ADGRL3: variants seen among roughly 807,000 people sequenced by gnomAD.
The protein encoded by ADGRL3 is adhesion G protein-coupled receptor L3.
In ADGRL3, 62 loss-of-function variants were observed where a neutral mutation model predicts 153.5. That is an observed-to-expected ratio of 0.40 (90% CI 0.33 to 0.50). The LOEUF (loss-of-function observed/expected upper bound fraction) is 0.50, where lower values mean the gene tolerates loss of function less well. Ranked by LOEUF, ADGRL3 falls within the 20% of genes least tolerant of loss-of-function variation. The pLI is 0.47. For missense variants in ADGRL3, 1,641 were observed against 1,859.4 expected (o/e 0.88, Z 2.16); for synonymous variants, 710 against 672.5 (o/e 1.06, Z -0.86).
At chr4:61,310,408 T>G (rs2094953666) in intron 1 of ADGRL3, among the ~76,000 whole-genome samples, 1 of 151,936 alleles carries the variant, frequency 6.6e-6, no homozygotes, top group South Asian at 2.1e-4. Flanking sequence ...ATATAATGAG[T>G]GTTTAAAGGC....
chr4:61,266,791 A>G (rs1023234802), intron 1 of ADGRL3, among the ~76,000 whole-genome samples: 10 of 151,770 alleles, frequency 6.6e-5, no homozygotes, highest in African/African-American at 1.2e-4. Flanking sequence ...AAATTAGAGT[A>G]GTCCAGTAAT....
At chr4:61,367,612 C>A (rs1414343166) in intron 1 of ADGRL3, among the ~76,000 whole-genome samples, 11 of 148,528 alleles carry the variant, frequency 7.4e-5, no homozygotes, top group African/African-American at 2.7e-4. Flanking sequence ...GTATATGTGC[C>A]ACAATTTCTT....
At chr4:61,821,810 A>G (rs887148213) in intron 9 of ADGRL3, among the ~76,000 whole-genome samples, 3 of 152,238 alleles carry the variant, frequency 2.0e-5, no homozygotes, top group African/African-American at 7.2e-5. Context: ...ATTGAATTAT[A>G]TTCAGCAAAT....
chr4:61,845,733 A>G (rs1372313750), intron 9 of ADGRL3, among the ~76,000 whole-genome samples: 2 of 152,024 alleles, frequency 1.3e-5, no homozygotes, highest in Non-Finnish European at 2.9e-5. Context: ...GAATTTGCTC[A>G]GTGGTATTAT....
chr4:62,045,811 C>T (rs1037810497), intron 25 of ADGRL3, among the ~76,000 whole-genome samples: 21 of 151,926 alleles, frequency 1.4e-4, no homozygotes, highest in Middle Eastern at 3.4e-3. Context: ...CCTCCAAATA[C>T]GAAGAAAACG....
rs111428328 is a variant in ADGRL3, at chr4:61,365,251, C to CA, written c.-239-17861dup. ...TGACTGGAAGATCACAAAAAAATTACAAAAAAAAAAAATTGAATACAATTT... is the reference window on the plus strand; with the variant it reads ...TGACTGGAAGATCACAAAAAAATTACAAAAAAAAAAAAATTGAATACAATTT... On this transcript the variant is annotated intron_variant, in intron 1 of 26. Coordinates refer to ENST00000683033, the MANE Select transcript of ADGRL3 (RefSeq NM_001387552.1). Among the ~76,000 whole-genome samples, 104 of 149,168 alleles carry CA rather than the reference C, an allele frequency of 7.0e-4. 1 individual carries two copies. In the South Asian group the frequency reaches 8.3e-3, roughly 12 times the overall value.
chr4:61,998,875 C>T (rs1218026781), intron 21 of ADGRL3, among the ~76,000 whole-genome samples: 3 of 152,066 alleles, frequency 2.0e-5, no homozygotes, highest in African/African-American at 7.2e-5. Context: ...CCGCACCTGG[C>T]CTGATTATTG....
intron 8 of ADGRL3, among the ~76,000 whole-genome samples, chr4:61,769,178 G>T (rs1235131902): frequency 6.6e-6 from 1 of 152,104 alleles, no homozygotes; most frequent in African/African-American, 2.4e-5. Context: ...TCCCTGCAAT[G>T]ATTAAATACC....
chr4:61,242,782 G>C (rs2149342675), intron 1 of ADGRL3, among the ~76,000 whole-genome samples: 1 of 152,108 alleles, frequency 6.6e-6, no homozygotes, highest in African/African-American at 2.4e-5. Flanking sequence ...GAATATATGT[G>C]ATGATTTCGT....
chr4:61,915,004 C>T (rs1239757530), intron 13 of ADGRL3, among the ~76,000 whole-genome samples: 1 of 151,920 alleles, frequency 6.6e-6, no homozygotes, highest in African/African-American at 2.4e-5. Context: ...TTATTTTATT[C>T]TTGCGCATTT....
intron 8 of ADGRL3, among the ~76,000 whole-genome samples, chr4:61,800,884 A>T (rs2097487518): frequency 6.6e-6 from 1 of 152,152 alleles, no homozygotes; most frequent in South Asian, 2.1e-4. Flanking sequence ...TTTTTTCTTT[A>T]AAGGTACACT....
chr4:61,914,678 C>T (rs2098737209), intron 13 of ADGRL3, among the ~76,000 whole-genome samples: 2 of 151,918 alleles, frequency 1.3e-5, no homozygotes, highest in Admixed American at 6.6e-5. Flanking sequence ...TATGCCTTTC[C>T]AATGATCTGA....
intron 2 of ADGRL3, among the ~76,000 whole-genome samples, chr4:61,429,788 A>G (rs2097333225): frequency 6.6e-6 from 1 of 152,142 alleles, no homozygotes; most frequent in Admixed American, 6.6e-5. Context: ...AGTCATGTTA[A>G]TTAGGAAGAT....
rs1465814472 is a variant in ADGRL3 at position 61,200,998 on chromosome 4, G to C, written c.-1007G>C. Among the ~76,000 whole-genome samples, 6 of 152,136 alleles carry C rather than the reference G, an allele frequency of 3.9e-5. No individual in the cohort carries two copies. Among genetic ancestry groups the C allele is most frequent in the Non-Finnish European group, 8.8e-5 (6 of 68,026 alleles). Reference sequence around the variant, plus strand: ...AGTTTGTGTGGCTCTCGCTCCGGCTGTCCGCGGAGGTTGCGGGCTTGAGAG... The same window carrying C: ...AGTTTGTGTGGCTCTCGCTCCGGCTCTCCGCGGAGGTTGCGGGCTTGAGAG... On this transcript the variant is annotated 5_prime_UTR_variant, in exon 1 of 27. Coordinates refer to ENST00000683033, the MANE Select transcript of ADGRL3 (RefSeq NM_001387552.1).
chr4:61,450,455 A>G (rs2097660126), intron 2 of ADGRL3, among the ~76,000 whole-genome samples: 3 of 152,146 alleles, frequency 2.0e-5, no homozygotes, highest in African/African-American at 4.8e-5. Context: ...TAAGTACTGT[A>G]TAGTTTAGTC....
At chr4:61,958,350 A>G (rs541111034) in intron 17 of ADGRL3, among the ~76,000 whole-genome samples, 1 of 151,626 alleles carries the variant, frequency 6.6e-6, no homozygotes, top group South Asian at 2.1e-4. Context: ...AATTGGTTGT[A>G]AGTTTATTAA....
intron 9 of ADGRL3, among the ~76,000 whole-genome samples, chr4:61,833,743 C>T (rs1468702968): frequency 6.6e-6 from 1 of 152,102 alleles, no homozygotes; most frequent in Non-Finnish European, 1.5e-5. Context: ...ATTTGTTAGT[C>T]CTACAAAGGC....
At chr4:61,899,088 C>G (rs2098648911) in intron 11 of ADGRL3, among the ~76,000 whole-genome samples, 1 of 152,180 alleles carries the variant, frequency 6.6e-6, no homozygotes, top group South Asian at 2.1e-4. Context: ...TTCTAGCTTG[C>G]CTTTCTACCT....
intron 2 of ADGRL3, among the ~76,000 whole-genome samples, chr4:61,444,495 T>C (rs2097560118): frequency 6.6e-6 from 1 of 152,112 alleles, no homozygotes; most frequent in Admixed American, 6.6e-5. Flanking sequence ...TAGAACCTTC[T>C]CAAAGCTGAC....
Sources: allele counts gnomAD v4.1 joint callset (sites outside exome capture counted in the v4.1 genomes callset), GRCh38; gene constraint gnomAD v4.1.1; transcripts MANE v1.5; gene names NCBI Gene and HGNC (gene_info 2026-07-23, HGNC 2026-07-21).